NHLRC2: variants seen among roughly 807,000 people sequenced by gnomAD.
NHLRC2 encodes NHL repeat containing 2.
In NHLRC2, 33 loss-of-function variants were observed where a neutral mutation model predicts 68.1. That is an observed-to-expected ratio of 0.48 (90% CI 0.37 to 0.65). The LOEUF is 0.65. NHLRC2 is among the 30% of genes least tolerant of loss of function. The probability of loss-of-function intolerance (pLI) is 0.00; values close to 1 mark genes in which losing one functional copy is unlikely to be tolerated. For missense variants in NHLRC2, 761 were observed against 853.8 expected (o/e 0.89, Z 1.35); for synonymous variants, 311 against 309.6 (o/e 1.00, Z -0.05).
intron 8 of NHLRC2, 79 bp downstream of exon 8, chr10:113,902,672 A>C: frequency 8.6e-7 from 1 of 1,169,348 alleles, no homozygotes. Flanking sequence ...TGAGCCTCCT[A>C]CAACTGCCAC....
At position 113,858,637 on chromosome 10, in the gene NHLRC2, A is replaced by T. The variant is rs200603094; in HGVS notation, c.288A>T (p.Leu96=). Residue 96 remains leucine, a synonymous_variant, in exon 2 of 11, where the codon CTA becomes CTT. Coordinates refer to ENST00000369301, the MANE Select transcript of NHLRC2 (RefSeq NM_198514.4). ...FTYCCINCIH[L]LPDLHALEHT... ...ACTGCTGCATAAACTGTATTCACCT[A>T]TTGCCTGATCTCCATGCATTAGAAC... 103 of 1,611,690 alleles carry T rather than the reference A, an allele frequency of 6.4e-5. No individual in the cohort carries two copies. In the East Asian group the frequency reaches 2.2e-3, roughly 34 times the overall value.
chr10:113,880,387 A>T (rs1846025914), intron 4 of NHLRC2, among the ~76,000 whole-genome samples: 2 of 151,778 alleles, frequency 1.3e-5, no homozygotes, highest in African/African-American at 4.8e-5. Flanking sequence ...TAGTCACCTG[A>T]ATGATATGAC....
At chr10:113,857,177 G>A (rs1845767835) in intron 1 of NHLRC2, among the ~76,000 whole-genome samples, 1 of 152,062 alleles carries the variant, frequency 6.6e-6, no homozygotes, top group East Asian at 1.9e-4. Flanking sequence ...ATTAAGCCTG[G>A]TAAGTATCTA....
chr10:113,863,419 G>A (rs780571434), intron 2 of NHLRC2, among the ~76,000 whole-genome samples: 4 of 151,944 alleles, frequency 2.6e-5, no homozygotes, highest in Admixed American at 2.0e-4. Context: ...ACTTAGAGAC[G>A]AATGAAAACA....
chr10:113,895,052 A>G (rs1326613277), intron 5 of NHLRC2, among the ~76,000 whole-genome samples: 3 of 152,194 alleles, frequency 2.0e-5, no homozygotes, highest in African/African-American at 7.2e-5. Context: ...ATGATATATT[A>G]CCCATCAAAT....
chr10:113,867,906 A>G (rs2134696175), intron 2 of NHLRC2, among the ~76,000 whole-genome samples: 1 of 152,266 alleles, frequency 6.6e-6, no homozygotes, highest in African/African-American at 2.4e-5. Flanking sequence ...GTCTCTCAAT[A>G]AGACTTTTGA....
chr10:113,861,935 G>A (rs1218242960), intron 2 of NHLRC2, among the ~76,000 whole-genome samples: 2 of 151,690 alleles, frequency 1.3e-5, no homozygotes, highest in Non-Finnish European at 2.9e-5. Flanking sequence ...GTGTAGTGGC[G>A]CATCTCGGCC....
At chr10:113,890,010 T>C (rs1846117501) in intron 5 of NHLRC2, among the ~76,000 whole-genome samples, 1 of 152,202 alleles carries the variant, frequency 6.6e-6, no homozygotes, top group Non-Finnish European at 1.5e-5. Context: ...TGCACAGTTT[T>C]TGTTTTGTGG....
At chr10:113,866,064 T>C (rs1288277991) in intron 2 of NHLRC2, among the ~76,000 whole-genome samples, 2 of 152,254 alleles carry the variant, frequency 1.3e-5, no homozygotes, top group East Asian at 3.8e-4. Flanking sequence ...AGGAAGTGTT[T>C]ATTAATTCAA....
At chr10:113,902,720 A>G (rs1475776190) in intron 8 of NHLRC2, 127 bp downstream of exon 8, 12 of 802,452 alleles carry the variant, frequency 1.5e-5, no homozygotes, top group Non-Finnish European at 2.0e-5. Flanking sequence ...TTTGACAACT[A>G]TAACCCAGCC....
At position 113,898,202 on chromosome 10, in the gene NHLRC2, A is replaced by T; in HGVS notation, c.1132A>T (p.Lys378Ter). ...CCTGCTGGACTCTGGCAAACTGCCA[A>T]AGAAAAAGTAAGTGACAGCCTCTCT... ...ALLLDSGKLPKKNELTKGTCL... is the reference protein window; with the variant it reads ...ALLLDSGKLP The change falls in exon 6 of 11, where the codon AAG becomes TAG. Residue 378 changes from lysine (K) to a stop codon, truncating the protein, a stop_gained. Coordinates refer to ENST00000369301, the MANE Select transcript of NHLRC2 (RefSeq NM_198514.4). LOFTEE classifies it high-confidence loss of function. 6.2e-7 allele frequency: 1 copy of T among 1,602,438 alleles called. No homozygotes were observed. The highest frequency in any genetic ancestry group is 8.6e-7 in the Non-Finnish European group (1 of 1,169,484).
Position 113,887,904 on chromosome 10 carries a change from A to C in NHLRC2, c.1039+3524A>C, listed in dbSNP as rs577838979. Among the ~76,000 whole-genome samples, 3 of 152,192 alleles carry C rather than the reference A, an allele frequency of 2.0e-5. No individual in the cohort carries two copies. The East Asian group carries it at 5.8e-4, about 30-fold the overall frequency. Reference sequence around the variant, plus strand: ...AAATAAGCCAAACACAGACAGACAGATACTGTATGATCTTACTTGTGGAAT... The same window carrying C: ...AAATAAGCCAAACACAGACAGACAGCTACTGTATGATCTTACTTGTGGAAT... On this transcript the variant is annotated intron_variant, in intron 5 of 10. Coordinates refer to ENST00000369301, the MANE Select transcript of NHLRC2 (RefSeq NM_198514.4).
At chr10:113,889,305 T>C (rs1339956801) in intron 5 of NHLRC2, among the ~76,000 whole-genome samples, 1 of 152,210 alleles carries the variant, frequency 6.6e-6, no homozygotes, top group Non-Finnish European at 1.5e-5. Flanking sequence ...CTATTTAGTA[T>C]GCTAGTCTGA....
chr10:113,909,556 G>T lies in NHLRC2; in HGVS notation c.*1020G>T, dbSNP rs1411922970. The T allele has an allele frequency of 6.6e-6, 1 of 151,852 alleles. No individual in the cohort carries two copies. Among genetic ancestry groups the T allele is most frequent in the African/African-American group, 2.4e-5 (1 of 41,328 alleles). The allele number at this position is 151,852 out of a possible 1,614,324, so 9.4% of individuals were successfully genotyped here. A position where few individuals can be genotyped will look rare whatever the true frequency, so the allele number is the denominator to read the frequency against. On this transcript the variant is annotated 3_prime_UTR_variant, in exon 11 of 11. Transcript: ENST00000369301. ...TTAAAAGTGAAATTTTCAGTGTGAGGTGCTTTCATGCTATTAATAGATACA... is the reference window on the plus strand; with the variant it reads ...TTAAAAGTGAAATTTTCAGTGTGAGTTGCTTTCATGCTATTAATAGATACA...
chr10:113,888,895 C>T (rs1846105561), intron 5 of NHLRC2, among the ~76,000 whole-genome samples: 3 of 148,394 alleles, frequency 2.0e-5, no homozygotes, highest in African/African-American at 5.0e-5. Context: ...GACGTGATCT[C>T]GGCTCACTGC....
rs902020076 is a variant in NHLRC2, at chr10:113,915,522, A to G, written c.*6986A>G. ...CCTTTTGCTTTTAATATACCTGGTT[A>G]TCTATTTCCATTTGAAATAAAATGA... On this transcript the variant is annotated 3_prime_UTR_variant, in exon 11 of 11. Transcript: ENST00000369301. The G allele has an allele frequency of 3.8e-6, 1 of 261,964 alleles. No individual in the cohort carries two copies. Among genetic ancestry groups the G allele is most frequent in the South Asian group, 4.0e-5 (1 of 25,224 alleles). The allele number at this position is 261,964 out of a possible 1,614,324, so 16.2% of individuals were successfully genotyped here.
chr10:113,877,504 T>C (rs1356786675), intron 3 of NHLRC2, among the ~76,000 whole-genome samples: 1 of 152,150 alleles, frequency 6.6e-6, no homozygotes, highest in Non-Finnish European at 1.5e-5. Context: ...ATTTCCAGAA[T>C]AGAAATAGGT....
chr10:113,911,156 G>GTATT lies in NHLRC2; in HGVS notation c.*2621_*2624dup, dbSNP rs1846324543. ...CCTCACTTGAAATGCCAGTAATGTG[G>GTATT]TATTACACACATTTTATATAATACC... On this transcript the variant is annotated 3_prime_UTR_variant, in exon 11 of 11. Coordinates refer to ENST00000369301, the MANE Select transcript of NHLRC2 (RefSeq NM_198514.4). 6.6e-6 allele frequency: 1 copy of GTATT among 152,072 alleles called. No individual in the cohort carries two copies. Among genetic ancestry groups the GTATT allele is most frequent in the Non-Finnish European group, 1.5e-5 (1 of 67,966 alleles). The allele number at this position is 152,072 out of a possible 1,614,324, so 9.4% of individuals were successfully genotyped here.
chr10:113,891,070 C>T (rs549377443), intron 5 of NHLRC2, among the ~76,000 whole-genome samples: 2 of 152,156 alleles, frequency 1.3e-5, no homozygotes, highest in Non-Finnish European at 2.9e-5. Flanking sequence ...GTCCCTCCCT[C>T]GACTTGTGGG....
Sources: gnomAD v4.1 joint callset for allele counts (sites outside exome capture counted in the v4.1 genomes callset) on GRCh38, gnomAD v4.1.1 for gene constraint, MANE v1.5 for transcripts, NCBI Gene and HGNC (gene_info 2026-07-23, HGNC 2026-07-21) for gene names.